KNDC1: variants seen among roughly 807,000 people sequenced by gnomAD.
KNDC1 encodes kinase non-catalytic C-lobe domain-containing protein 1.
A neutral mutation model predicts 172.8 loss-of-function variants in KNDC1; 106 were observed. That is an observed-to-expected ratio of 0.61 (90% confidence interval 0.52 to 0.72). KNDC1 has a LOEUF of 0.72. Among genes scored for constraint, KNDC1 ranks in the 30% least tolerant of loss-of-function variants. KNDC1 has a pLI of 0.00. For synonymous variants in KNDC1, 1,083 were observed against 1,062.2 expected (o/e 1.02, Z -0.38); for missense variants, 2,325 against 2,394.5 (o/e 0.97, Z 0.61).
rs1240043277 is a variant in KNDC1, at chr10:133,186,229, G to A, written c.881G>A (p.Arg294Lys). The A allele has an allele frequency of 6.3e-7, 1 of 1,588,704 alleles. No individual in the cohort carries two copies. Among genetic ancestry groups the A allele is most frequent in the Non-Finnish European group, 8.6e-7 (1 of 1,168,174 alleles). ...GAGCGCACCCTCGGGGAGCTGGACA[G>A]AGACGCCCTCAGGAGAAGCCGCCTG... ...DAERTLGELD[R>K]DALRRSRLRK... Residue 294 changes from arginine to lysine, a missense_variant, in exon 6 of 30, where the codon AGA becomes AAA. Physicochemically the swap from Arg to Lys is conservative, Grantham distance 26. Coordinates refer to ENST00000304613, the MANE Select transcript of KNDC1 (RefSeq NM_152643.8).
Position 133,206,812 on chromosome 10 carries a change from G to A in KNDC1, c.3481+34G>A, listed in dbSNP as rs768158756. On this transcript the variant is annotated intron_variant, in intron 18 of 29. Transcript: ENST00000304613. Reference sequence around the variant, plus strand: ...CCTGTGGGCACAGGTCCGAGACCCTGGCTGCAGGCAGCCCGGCCCCCACCC... The same window carrying A: ...CCTGTGGGCACAGGTCCGAGACCCTAGCTGCAGGCAGCCCGGCCCCCACCC... The A allele has an allele frequency of 1.4e-5, 23 of 1,613,196 alleles. 1 individual carries two copies. Among genetic ancestry groups the A allele is most frequent in the Middle Eastern group, 1.6e-4 (1 of 6,080 alleles).
chr10:133,161,396 G>T (rs1207719215), intron 1 of KNDC1, among the ~76,000 whole-genome samples: 1 of 152,212 alleles, frequency 6.6e-6, no homozygotes, highest in Non-Finnish European at 1.5e-5. Context: ...AGCCATTAGT[G>T]GGATGTTGTG....
chr10:133,189,398 G>A (rs552126392), intron 7 of KNDC1, among the ~76,000 whole-genome samples, 200 bp from the exon 8 acceptor site: 25 of 152,308 alleles, frequency 1.6e-4, no homozygotes, highest in East Asian at 7.7e-4. Context: ...CGCTACCCTC[G>A]GGGAGGGCTG....
At chr10:133,190,570 G>A (rs11101625) in intron 9 of KNDC1, among the ~76,000 whole-genome samples, 3,342 of 152,354 alleles carry the variant, frequency 0.022, 44 homozygotes, top group Middle Eastern at 0.034. Context: ...GAGACTTGGA[G>A]GTAAAGAAGC....
intron 5 of KNDC1, among the ~76,000 whole-genome samples, chr10:133,184,491 T>C (rs566690660): frequency 6.6e-5 from 10 of 152,336 alleles, no homozygotes; most frequent in East Asian, 1.9e-4. Context: ...ATAGATCACA[T>C]GTGCCTCGTA....
intron 3 of KNDC1, among the ~76,000 whole-genome samples, chr10:133,177,619 C>T (rs984932692): frequency 1.3e-5 from 2 of 151,618 alleles, no homozygotes; most frequent in South Asian, 4.2e-4. Context: ...TGTGCATGCA[C>T]ATAGTGTGTT....
intron 3 of KNDC1, among the ~76,000 whole-genome samples, chr10:133,177,888 A>C (rs1853593559): frequency 7.5e-6 from 1 of 133,712 alleles, no homozygotes; most frequent in African/African-American, 2.8e-5. Context: ...GTGTGTGTGT[A>C]GTGTGCATGT....
intron 11 of KNDC1, 149 bp downstream of exon 11, chr10:133,197,284 C>T: frequency 1.5e-6 from 1 of 669,662 alleles, no homozygotes; most frequent in South Asian, 1.7e-5. Context: ...TCTGGGGGTG[C>T]AGGGGGACAC....
intron 14 of KNDC1, 88 bp from the exon 15 acceptor site, chr10:133,199,360 CCAGCCGAGAT>C: frequency 1.9e-6 from 3 of 1,565,656 alleles, no homozygotes; most frequent in Non-Finnish European, 2.6e-6. Context: ...CCCCAGCCCC[CCAGCCGAGAT>C]CAGCCTTGTC....
chr10:133,214,588 C>T (rs1845439100), intron 26 of KNDC1, among the ~76,000 whole-genome samples: 1 of 152,252 alleles, frequency 6.6e-6, no homozygotes, highest in Non-Finnish European at 1.5e-5. Context: ...CCCCAGGCCC[C>T]ATCCCCTCTG....
chr10:133,195,752 C>T lies in KNDC1; in HGVS notation c.1665C>T (p.Leu555=). 1.9e-6 allele frequency: 3 copies of T among 1,610,430 alleles called. No homozygotes were observed. Among genetic ancestry groups the T allele is most frequent in the South Asian group, 2.2e-5 (2 of 90,430 alleles). ...RNHKLALPRR[L]KTLLLDMARR... ...ACAAGCTGGCCCTGCCACGCAGGCT[C>T]AAGACCCTCCTCCTGGACATGGCCA... The change falls in exon 10 of 30, where the codon CTC becomes CTT. Residue 555 remains leucine, a synonymous_variant. Transcript: ENST00000304613.
chr10:133,202,636 T>C, intron 17 of KNDC1: 1 of 456,720 alleles, frequency 2.2e-6, no homozygotes, highest in South Asian at 1.5e-5. Flanking sequence ...CCCCAGCCTC[T>C]GGGCATCGGA....
chr10:133,211,725 A>C lies in KNDC1; in HGVS notation c.4103A>C (p.Glu1368Ala). 1 of 1,608,360 alleles carries C rather than the reference A, an allele frequency of 6.2e-7. No individual in the cohort carries two copies. Among genetic ancestry groups the C allele is most frequent in the Non-Finnish European group, 8.5e-7 (1 of 1,177,582 alleles). Residue 1368 changes from glutamate (E) to alanine (A), a missense_variant, in exon 23 of 30, where the codon GAG becomes GCG. Physicochemically the swap from Glu to Ala is moderately radical, Grantham distance 107 (BLOSUM62 -1). Transcript: ENST00000304613. ...GSAKHLLGLL[E>A]VGMDRRAEGN... ...GCCAAGCACCTGCTGGGCCTCCTGG[A>C]GGTGGGCATGGACCGGCGGGCCGAG...
At chr10:133,208,684 C>T (rs1198417853) in intron 20 of KNDC1, among the ~76,000 whole-genome samples, 1 of 152,236 alleles carries the variant, frequency 6.6e-6, no homozygotes, top group Non-Finnish European at 1.5e-5. Flanking sequence ...TTCTCAGCCT[C>T]CTCAACTGCA....
chr10:133,202,099 C>T (rs1237902635), intron 17 of KNDC1: 10 of 719,316 alleles, frequency 1.4e-5, no homozygotes, highest in Non-Finnish European at 1.7e-5. Flanking sequence ...GGGACAGGCT[C>T]GTCTGCACTG....
intron 19 of KNDC1, 82 bp from the exon 20 acceptor site, chr10:133,207,055 G>C (rs1845217018): frequency 2.0e-6 from 3 of 1,527,018 alleles, no homozygotes; most frequent in Admixed American, 1.9e-5. Flanking sequence ...GTTATAAAAG[G>C]GGCCCTGATT....
At chr10:133,160,900 C>T (rs1197592153) in intron 1 of KNDC1, among the ~76,000 whole-genome samples, 8 of 152,054 alleles carry the variant, frequency 5.3e-5, no homozygotes, top group African/African-American at 1.9e-4. Context: ...CCCAGGAGGC[C>T]AGCGGGGTGC....
Position 133,197,111 on chromosome 10 carries a change from C to T in KNDC1, c.1788C>T (p.Ala596=), listed in dbSNP as rs1392892405. The change falls in exon 11 of 30, where the codon GCC becomes GCT. Residue 596 remains alanine, a synonymous_variant. Transcript: ENST00000304613. The part of the protein sequence containing the change: ...QRGMDSRKIL[A]HLRASICQVY... ...GCATGGACAGCCGGAAAATCCTTGC[C>T]CACCTCAGAGCTTCCATCTGCCAGG... is the stretch of plus-strand genomic sequence containing the variant. 6.2e-7 allele frequency: 1 copy of T among 1,613,108 alleles called. No individual in the cohort carries two copies. Among genetic ancestry groups the T allele is most frequent in the Non-Finnish European group, 8.5e-7 (1 of 1,179,886 alleles).
Position 133,207,241 on chromosome 10 carries a change from G to T in KNDC1, c.3684G>T (p.Glu1228Asp). 1 of 1,613,020 alleles carries T rather than the reference G, an allele frequency of 6.2e-7. No individual in the cohort carries two copies. Among genetic ancestry groups the T allele is most frequent in the Non-Finnish European group, 8.5e-7 (1 of 1,179,972 alleles). ...CDTLDFSPLD[E>D]SSSLIFYNVN... ...CGCTGGACTTCAGCCCCCTGGACGA[G>T]TCCTCCTCGCTCATCTTCTACAACG... Residue 1228 changes from glutamate (E) to aspartate (D), a missense_variant, in exon 20 of 30, where the codon GAG (glutamate) becomes GAT (aspartate). Glu to Asp is a conservative substitution (Grantham distance 45, BLOSUM62 2). Transcript: ENST00000304613.
Sources: gnomAD v4.1 joint callset for allele counts (sites outside exome capture counted in the v4.1 genomes callset) on GRCh38, gnomAD v4.1.1 for gene constraint, MANE v1.5 for transcripts, NCBI Gene and HGNC (gene_info 2026-07-23, HGNC 2026-07-21) for gene names.